The following CASZ1 variants were observed in gnomAD, a reference collection of about 807,000 sequenced individuals.
The protein encoded by CASZ1 is zinc finger protein castor homolog 1.
CASZ1 carries 28 observed loss-of-function variants against 135.2 expected under a neutral mutation model. The ratio of observed to expected loss-of-function variants is 0.21; its 90% CI spans 0.15 to 0.28. The LOEUF is 0.28. Among genes scored for constraint, CASZ1 ranks in the 10% least tolerant of loss-of-function variants. CASZ1 has a pLI of 1.00. For missense variants in CASZ1, 2,161 were observed against 2,453.3 expected (o/e 0.88, Z 2.52); for synonymous variants, 1,068 against 1,073.4 (o/e 0.99, Z 0.10).
chr1:10,671,337 C>A (rs999456646), intron 4 of CASZ1, among the ~76,000 whole-genome samples: 1 of 152,226 alleles, frequency 6.6e-6, no homozygotes, highest in Non-Finnish European at 1.5e-5. Context: ...CGCGCACACA[C>A]GCTCGGATGC....
rs1638414798 is a variant in CASZ1 at position 10,681,358 on chromosome 1, C to T, written c.16+12516G>A. Among the ~76,000 whole-genome samples the T allele has an allele frequency of 1.3e-5, 2 of 152,124 alleles. 1 individual carries two copies. Among genetic ancestry groups the T allele is most frequent in the East Asian group, 3.9e-4 (2 of 5,186 alleles). Reference sequence around the variant, plus strand: ...AGAGATCAAAGGGCACAGCCCAGACCCTACTCCACCTGCCAGCCAGCCCAT... The same window carrying T: ...AGAGATCAAAGGGCACAGCCCAGACTCTACTCCACCTGCCAGCCAGCCCAT... On this transcript the variant is annotated intron_variant, in intron 4 of 20. Coordinates refer to ENST00000377022, the MANE Select transcript of CASZ1 (RefSeq NM_001079843.3).
At chr1:10,775,511 G>A (rs1036195067) in intron 1 of CASZ1, among the ~76,000 whole-genome samples, 5 of 152,198 alleles carry the variant, frequency 3.3e-5, no homozygotes, top group Non-Finnish European at 4.4e-5. Flanking sequence ...TTGGAAGGGA[G>A]AGGGAGAAGG....
At chr1:10,713,686 A>T (rs1639327081) in intron 2 of CASZ1, among the ~76,000 whole-genome samples, 1 of 152,240 alleles carries the variant, frequency 6.6e-6, no homozygotes, top group South Asian at 2.1e-4. Flanking sequence ...AGACAAGGCC[A>T]TCTCTAAGTC....
intron 1 of CASZ1, among the ~76,000 whole-genome samples, chr1:10,778,726 T>C (rs1640706247): frequency 6.6e-6 from 1 of 152,174 alleles, no homozygotes; most frequent in Admixed American, 6.5e-5. Context: ...TTGATCCGTG[T>C]GGAATTCCAA....
chr1:10,670,489 G>C (rs1185557996), intron 4 of CASZ1, among the ~76,000 whole-genome samples: 1 of 152,208 alleles, frequency 6.6e-6, no homozygotes, highest in East Asian at 1.9e-4. Flanking sequence ...CAGCTCACAG[G>C]CCACAAGCCC....
chr1:10,773,872 G>C (rs1306003115), intron 1 of CASZ1, among the ~76,000 whole-genome samples: 2 of 152,240 alleles, frequency 1.3e-5, no homozygotes, highest in Non-Finnish European at 2.9e-5. Context: ...GCTGAGAAGA[G>C]GCCGCAGGGT....
At chr1:10,723,631 C>A (rs1334486459) in intron 2 of CASZ1, among the ~76,000 whole-genome samples, 1 of 152,200 alleles carries the variant, frequency 6.6e-6, no homozygotes, top group Non-Finnish European at 1.5e-5. Context: ...TTTGCAGGTG[C>A]CTTTCTCATG....
intron 2 of CASZ1, among the ~76,000 whole-genome samples, chr1:10,746,415 A>G (rs1288613650): frequency 3.3e-5 from 5 of 152,270 alleles, no homozygotes; most frequent in Non-Finnish European, 7.3e-5. Flanking sequence ...AACGGCTCCA[A>G]GTCTTTAATT....
chr1:10,764,716 G>A (rs573222656), intron 1 of CASZ1, among the ~76,000 whole-genome samples: 23 of 152,146 alleles, frequency 1.5e-4, no homozygotes, highest in Non-Finnish European at 2.9e-4. Flanking sequence ...TGTCCCTCCA[G>A]AATCTCAGTT....
chr1:10,719,463 C>G lies in CASZ1; in HGVS notation c.-76-13919G>C, dbSNP rs965380789. Among the ~76,000 whole-genome samples the G allele has an allele frequency of 8.5e-5, 13 of 152,232 alleles. No individual in the cohort carries two copies. The highest frequency in any genetic ancestry group is 2.9e-4 in the African/African-American group (12 of 41,456). Reference sequence around the variant, plus strand: ...CAAGGTGATGTCCTAAGGCTGCACACGCCATGCATTTAGAATCTGAGTGCT... The same window carrying G: ...CAAGGTGATGTCCTAAGGCTGCACAGGCCATGCATTTAGAATCTGAGTGCT... On this transcript the variant is annotated intron_variant, in intron 2 of 20. Coordinates refer to ENST00000377022, the MANE Select transcript of CASZ1 (RefSeq NM_001079843.3). The surrounding 1 kb of genome is among the most constrained non-coding windows in gnomAD (Gnocchi z 4.0).
rs202039196 is a variant in CASZ1, at chr1:10,665,521, G to A, written c.67C>T (p.Pro23Ser). ...DPPAGKPAMAPKRKGGLKLNA... is the reference protein window; with the variant it reads ...DPPAGKPAMASKRKGGLKLNA... ...AGCTTCAGGCCACCCTTGCGTTTGG[G>A]CGCCATGGCGGGCTTGCCTGCAGGC... is the stretch of plus-strand genomic sequence containing the variant. Residue 23 changes from proline (P) to serine (S), a missense_variant, in exon 5 of 21, where the codon CCC becomes TCC. This residue lies in a region of CASZ1 where 590 missense variants were observed against 609.8 expected (regional missense o/e 0.97). Coordinates refer to ENST00000377022, the MANE Select transcript of CASZ1 (RefSeq NM_001079843.3). The A allele has an allele frequency of 7.1e-5, 114 of 1,598,200 alleles. No homozygotes were observed. In the South Asian group the frequency reaches 1.2e-3, roughly 17 times the overall value.
Position 10,727,856 on chromosome 1 carries a change from T to G in CASZ1, c.-76-22312A>C, listed in dbSNP as rs1409440326. Among the ~76,000 whole-genome samples the G allele has an allele frequency of 6.6e-6, 1 of 152,078 alleles. No homozygotes were observed. The highest frequency in any genetic ancestry group is 6.5e-5 in the Admixed American group (1 of 15,282). On this transcript the variant is annotated intron_variant, in intron 2 of 20. Transcript: ENST00000377022. The surrounding 1 kb of genome is among the most constrained non-coding windows in gnomAD (Gnocchi z 5.3). ...GCCCCTGGCTAGTGGCCAGACAGCA[T>G]GTATGAGTGTTGGGGGTGAGCTGGG...
intron 5 of CASZ1, 86 bp downstream of exon 5, chr1:10,664,997 C>T (rs572599385): frequency 2.3e-5 from 32 of 1,378,454 alleles, no homozygotes; most frequent in South Asian, 2.0e-4. Flanking sequence ...AGTGAGGAGT[C>T]GGGTGTGCTT....
chr1:10,664,036 A>G (rs989225005), intron 5 of CASZ1, among the ~76,000 whole-genome samples: 3 of 152,362 alleles, frequency 2.0e-5, no homozygotes, highest in Middle Eastern at 3.4e-3. Context: ...TTTTCCTATC[A>G]GAGGAAACTG....
At chr1:10,667,211 C>T (rs912235446) in intron 4 of CASZ1, among the ~76,000 whole-genome samples, 1 of 152,240 alleles carries the variant, frequency 6.6e-6, no homozygotes, top group East Asian at 1.9e-4. Context: ...TAACCGTCCC[C>T]TGATAGACAC....
rs529608066 is a variant in CASZ1, at chr1:10,658,342, G to A, written c.1409+166C>T. 4.3e-5 allele frequency: 27 copies of A among 624,902 alleles called. 1 individual carries two copies. The highest frequency in any genetic ancestry group is 1.1e-4 in the East Asian group (4 of 36,118). The allele number at this position is 624,902 out of a possible 1,614,324, so 38.7% of individuals were successfully genotyped here. On this transcript the variant is annotated intron_variant, in intron 7 of 20. Transcript: ENST00000377022. ...AGCGGAGGGAGGCTCCCAAACGGGCGTGCAGGGCAGCCCTCGGTGCGGTGG... is the reference window on the plus strand; with the variant it reads ...AGCGGAGGGAGGCTCCCAAACGGGCATGCAGGGCAGCCCTCGGTGCGGTGG...
At chr1:10,769,717 A>G (rs1327837659) in intron 1 of CASZ1, among the ~76,000 whole-genome samples, 1 of 152,162 alleles carries the variant, frequency 6.6e-6, no homozygotes, top group Non-Finnish European at 1.5e-5. Flanking sequence ...GGGTTTCGCC[A>G]TGTTGGCCAG....
chr1:10,714,984 G>A (rs1211147597), intron 2 of CASZ1, among the ~76,000 whole-genome samples: 4 of 152,162 alleles, frequency 2.6e-5, no homozygotes, highest in Non-Finnish European at 5.9e-5. Flanking sequence ...ACCTGCCGCC[G>A]CTCAGCCGCG....
Position 10,763,451 on chromosome 1 carries a change from C to T in CASZ1, c.-233-2594G>A, listed in dbSNP as rs367636263. ...CTTCCCTCCTACCTTGCAGGCTGCG[C>T]GGAGGATGGACAAGAGGCGTGAAAG... On this transcript the variant is annotated intron_variant, in intron 1 of 20. Coordinates refer to ENST00000377022, the MANE Select transcript of CASZ1 (RefSeq NM_001079843.3). Among the ~76,000 whole-genome samples the T allele has an allele frequency of 9.2e-5, 14 of 152,242 alleles. No individual in the cohort carries two copies. The East Asian group carries it at 2.7e-3, about 29-fold the overall frequency.
Sources: gnomAD v4.1 joint callset for allele counts (sites outside exome capture counted in the v4.1 genomes callset) on GRCh38, gnomAD v4.1.1 for gene constraint, gnomAD v4.1.1 regional missense constraint, Gnocchi (gnomAD v3.1) non-coding constraint, MANE v1.5 for transcripts, NCBI Gene and HGNC (gene_info 2026-07-23, HGNC 2026-07-21) for gene names.